Variants in CNTNAP2 observed in about 807,000 individuals in gnomAD.
CNTNAP2 encodes contactin associated protein 2.
Under a neutral mutation model 155.2 loss-of-function variants are expected in CNTNAP2, and 98 were observed. That is an observed-to-expected ratio of 0.63 (90% CI 0.54 to 0.75). The LOEUF (loss-of-function observed/expected upper bound fraction) is 0.75, where lower values mean the gene tolerates loss of function less well. CNTNAP2 is among the 30% of genes least tolerant of loss of function. CNTNAP2 has a pLI of 0.00. For synonymous variants in CNTNAP2, 651 were observed against 631.2 expected (o/e 1.03, Z -0.47); for missense variants, 1,727 against 1,688.1 (o/e 1.02, Z -0.40).
chr7:147,156,368 T>A (rs748867707), intron 8 of CNTNAP2, among the ~76,000 whole-genome samples: 2 of 152,166 alleles, frequency 1.3e-5, no homozygotes, highest in Non-Finnish European at 2.9e-5. Flanking sequence ...ATGTACTGAA[T>A]AAACACAGAA....
At chr7:147,717,820 A>C (rs989430234) in intron 13 of CNTNAP2, among the ~76,000 whole-genome samples, 9 of 152,150 alleles carry the variant, frequency 5.9e-5, no homozygotes, top group Non-Finnish European at 1.0e-4. Flanking sequence ...CCAGGAGTTC[A>C]TAGTGAGTTA....
At chr7:147,407,062 C>T (rs370278617) in intron 10 of CNTNAP2, among the ~76,000 whole-genome samples, 8 of 152,148 alleles carry the variant, frequency 5.3e-5, no homozygotes, top group African/African-American at 1.7e-4. Flanking sequence ...AGTGAAGACC[C>T]CCCCCTCTGG....
At chr7:147,594,219 C>T (rs895177184) in intron 12 of CNTNAP2, among the ~76,000 whole-genome samples, 1 of 151,254 alleles carries the variant, frequency 6.6e-6, no homozygotes, top group Non-Finnish European at 1.5e-5. Context: ...CTCCACTTCC[C>T]GGGTTAAGCG....
chr7:148,366,278 ATATG>A (rs1345682618), intron 21 of CNTNAP2, among the ~76,000 whole-genome samples: 3 of 124,370 alleles, frequency 2.4e-5, no homozygotes, highest in African/African-American at 8.0e-5. Context: ...GTACATGTAT[ATATG>A]TATGTGTACA....
chr7:147,567,168 G>A (rs898498572), intron 12 of CNTNAP2, among the ~76,000 whole-genome samples: 2 of 152,238 alleles, frequency 1.3e-5, no homozygotes, highest in East Asian at 1.9e-4. Context: ...GCAATTAGGG[G>A]GTGTTCTAAA....
At chr7:146,681,969 G>C (rs1437546624) in intron 1 of CNTNAP2, among the ~76,000 whole-genome samples, 2 of 149,542 alleles carry the variant, frequency 1.3e-5, no homozygotes, top group Admixed American at 6.7e-5. Context: ...CCTATTTCCA[G>C]ATAAAACCAT....
intron 1 of CNTNAP2, among the ~76,000 whole-genome samples, chr7:146,628,728 G>C (rs1006771777): frequency 6.6e-6 from 1 of 151,972 alleles, no homozygotes; most frequent in Non-Finnish European, 1.5e-5. Flanking sequence ...ACTGTACTTC[G>C]ATCAAGTATA....
chr7:146,477,168 T>C (rs1796889472), intron 1 of CNTNAP2, among the ~76,000 whole-genome samples: 1 of 152,170 alleles, frequency 6.6e-6, no homozygotes, highest in Admixed American at 6.5e-5. Context: ...TATTTGAAAA[T>C]CCATGTTTTA....
At chr7:147,121,804 T>C (rs180679551) in intron 6 of CNTNAP2, 1 of 152,418 alleles carries the variant, frequency 6.6e-6, no homozygotes, top group Admixed American at 6.5e-5. Flanking sequence ...AGGTATATCA[T>C]ATTTTTAAAT....
At chr7:147,616,443 C>T (rs906436554) in intron 12 of CNTNAP2, among the ~76,000 whole-genome samples, 2 of 152,174 alleles carry the variant, frequency 1.3e-5, no homozygotes, top group African/African-American at 4.8e-5. Flanking sequence ...ACTACAATAT[C>T]TGTTCCCTGC....
rs147751924 is a variant in CNTNAP2 at position 147,800,897 on chromosome 7, A to G, written c.2099-102668A>G. Among the ~76,000 whole-genome samples, 369 of 152,332 alleles carry G rather than the reference A, an allele frequency of 2.4e-3. 1 individual carries two copies. The highest frequency in any genetic ancestry group is 8.4e-3 in the African/African-American group (348 of 41,568). ...TGCCTGCAGTATTCAGTACAGTAAC[A>G]TACTGTACAGGTTTGCAGCCTAGAA... On this transcript the variant is annotated intron_variant, in intron 13 of 23. Transcript: ENST00000361727.
intron 1 of CNTNAP2, among the ~76,000 whole-genome samples, chr7:146,229,085 G>T (rs1458818475): frequency 6.6e-6 from 1 of 151,934 alleles, no homozygotes; most frequent in East Asian, 1.9e-4. Context: ...ATCTCCTCTT[G>T]GTAGGTTTTC....
intron 15 of CNTNAP2, among the ~76,000 whole-genome samples, chr7:148,111,700 A>T (rs1405667169): frequency 2.0e-5 from 3 of 152,222 alleles, no homozygotes; most frequent in Non-Finnish European, 4.4e-5. Flanking sequence ...AAGGAAAAAA[A>T]TGTAGGTTGC....
intron 15 of CNTNAP2, among the ~76,000 whole-genome samples, chr7:147,993,864 T>A (rs552522309): frequency 1.3e-5 from 2 of 152,126 alleles, no homozygotes; most frequent in East Asian, 3.9e-4. Context: ...TAGCCAGGCC[T>A]CCTTCCTACC....
intron 21 of CNTNAP2, among the ~76,000 whole-genome samples, chr7:148,316,319 C>A (rs1372327948): frequency 6.7e-6 from 1 of 149,454 alleles, no homozygotes; most frequent in East Asian, 2.0e-4. Context: ...GCACATGTAC[C>A]TTAGAACTTA....
At chr7:146,219,739 A>G (rs1799176381) in intron 1 of CNTNAP2, among the ~76,000 whole-genome samples, 1 of 152,216 alleles carries the variant, frequency 6.6e-6, no homozygotes, top group Non-Finnish European at 1.5e-5. Context: ...AGCTTTCCAA[A>G]GAATGTTTTA....
At chr7:147,794,916 A>C (rs930249062) in intron 13 of CNTNAP2, among the ~76,000 whole-genome samples, 1 of 151,492 alleles carries the variant, frequency 6.6e-6, no homozygotes, top group African/African-American at 2.4e-5. Context: ...TTATTTCTGT[A>C]AAGTTCGTAG....
intron 17 of CNTNAP2, among the ~76,000 whole-genome samples, chr7:148,158,642 T>TAATAA (rs1805452289): frequency 6.6e-6 from 1 of 152,170 alleles, no homozygotes; most frequent in East Asian, 1.9e-4. Flanking sequence ...GGTAGAAACT[T>TAATAA]TACGGTGAAC....
chr7:146,173,717 A>G (rs1221685108), intron 1 of CNTNAP2, among the ~76,000 whole-genome samples: 1 of 152,186 alleles, frequency 6.6e-6, no homozygotes, highest in Non-Finnish European at 1.5e-5. Context: ...AAAATTGCTC[A>G]GTACTGTATG....
Sources: gnomAD v4.1 joint callset for allele counts (sites outside exome capture counted in the v4.1 genomes callset) on GRCh38, gnomAD v4.1.1 for gene constraint, MANE v1.5 for transcripts, NCBI Gene and HGNC (gene_info 2026-07-23, HGNC 2026-07-21) for gene names.